Variants in CNR2 observed in about 807,000 individuals in gnomAD.
The protein encoded by CNR2 is cannabinoid receptor 2 (macrophage).
For synonymous variants in CNR2, 172 were observed against 182.2 expected, an observed-to-expected ratio of 0.94 and a Z score of 0.45; for missense variants, 379 against 439.9, an observed-to-expected ratio of 0.86 and a Z score of 1.24.
chr1:23,903,443 T>C (rs1570721564), intron 1 of CNR2, among the ~76,000 whole-genome samples: 1 of 152,024 alleles, frequency 6.6e-6, no homozygotes, highest in East Asian at 1.9e-4. Context: ...GGGTAGTGGT[T>C]CATGCCTGTG....
intron 1 of CNR2, among the ~76,000 whole-genome samples, chr1:23,897,490 T>TTC (rs929022799): frequency 6.6e-6 from 1 of 151,832 alleles, no homozygotes; most frequent in Non-Finnish European, 1.5e-5. Context: ...AATTTTTTTT[T>TTC]TTGAGACCGA....
intron 1 of CNR2, among the ~76,000 whole-genome samples, chr1:23,877,452 G>A (rs971283924): frequency 3.9e-5 from 6 of 151,934 alleles, no homozygotes; most frequent in African/African-American, 1.2e-4. Flanking sequence ...TGGCTAACAC[G>A]GTGAAACCTC....
intron 1 of CNR2, chr1:23,901,537 G>A: frequency 6.2e-7 from 1 of 1,609,220 alleles, no homozygotes; most frequent in Non-Finnish European, 8.5e-7. Flanking sequence ...TGCTGTCCGA[G>A]GAGCACTGGA....
rs1230917304 is a variant in CNR2, at chr1:23,898,335, C to CCTTT, written c.-46+14910_-46+14911insAAAG. The stretch of plus-strand genomic sequence containing the variant: ...TACAGGCGTGAGCCACCGCGCCCGG[C>CCTTT]TTTTTTTTTTTTTTTTTTTTTTTTG... On this transcript the variant is annotated intron_variant, in intron 1 of 1. Transcript: ENST00000374472. 1.8e-5 allele frequency among the ~76,000 whole-genome samples: 2 copies of CCTTT among 108,198 alleles called. 1 individual carries two copies. The allele number at this position is 108,198 out of a possible 152,430, so 71.0% of individuals were successfully genotyped here.
intron 1 of CNR2, among the ~76,000 whole-genome samples, chr1:23,898,947 C>A (rs1231915807): frequency 6.6e-6 from 1 of 152,110 alleles, no homozygotes; most frequent in African/African-American, 2.4e-5. Flanking sequence ...GCCACCACAC[C>A]TGGCCCGTAC....
At chr1:23,897,118 AC>A (rs769099527) in intron 1 of CNR2, among the ~76,000 whole-genome samples, 65 of 151,502 alleles carry the variant, frequency 4.3e-4, no homozygotes, top group Non-Finnish European at 8.3e-4. Flanking sequence ...CAGGTGATCC[AC>A]CCGCCTCAGC....
intron 1 of CNR2, among the ~76,000 whole-genome samples, chr1:23,906,443 AG>A (rs1447583914): frequency 6.6e-6 from 1 of 152,226 alleles, no homozygotes; most frequent in East Asian, 1.9e-4. Context: ...CCCATGAAAA[AG>A]GAAGTGATTT....
At chr1:23,900,540 C>G (rs948238511) in intron 1 of CNR2, among the ~76,000 whole-genome samples, 1 of 125,778 alleles carries the variant, frequency 8.0e-6, no homozygotes, top group Non-Finnish European at 1.6e-5. Context: ...CAGTTTCACT[C>G]TTGTTGCCCA....
In CNR2 at chr1:23,875,024, G is replaced by T; in HGVS notation, c.594C>A (p.Ile198=). 6.2e-7 allele frequency: 1 copy of T among 1,608,854 alleles called. No individual in the cohort carries two copies. Among genetic ancestry groups the T allele is most frequent in the South Asian group, 1.1e-5 (1 of 90,140 alleles). The change falls in exon 2 of 2, where the codon ATC becomes ATA. Residue 198 remains isoleucine, a synonymous_variant. Transcript: ENST00000374472. The part of the protein sequence containing the change: ...NDYLLSWLLF[I]AFLFSGIIYT... ...AGATGATTCCGGAAAAGAGGAAGGC[G>T]ATGAACAGGAGCCAGCTCAGCAGGT... is the stretch of plus-strand genomic sequence containing the variant.
At chr1:23,910,542 T>G (rs1570726213) in intron 1 of CNR2, among the ~76,000 whole-genome samples, 1 of 147,978 alleles carries the variant, frequency 6.8e-6, no homozygotes. Context: ...TCATCCCAGC[T>G]ACTTGGGAGG....
chr1:23,881,043 A>T (rs1639977995), intron 1 of CNR2, among the ~76,000 whole-genome samples: 1 of 151,580 alleles, frequency 6.6e-6, no homozygotes, highest in Non-Finnish European at 1.5e-5. Context: ...TGGGAGACCA[A>T]GGCGGGCAGA....
At chr1:23,900,856 C>T (rs7520726) in intron 1 of CNR2, among the ~76,000 whole-genome samples, 150,346 of 152,166 alleles carry the variant, frequency 0.99, 74,300 homozygotes, top group East Asian at 1. Context: ...TACCGAGCCA[C>T]GTTTCCAGCT....
chr1:23,886,560 C>T (rs1470867343), intron 1 of CNR2, among the ~76,000 whole-genome samples: 1 of 152,210 alleles, frequency 6.6e-6, no homozygotes, highest in Non-Finnish European at 1.5e-5. Context: ...CCAGCCACCG[C>T]CACCCCCAAC....
Position 23,874,776 on chromosome 1 carries a change from A to T in CNR2, c.842T>A (p.Phe281Tyr). 3 of 1,614,170 alleles carry T rather than the reference A, an allele frequency of 1.9e-6. No homozygotes were observed. The highest frequency in any genetic ancestry group is 2.5e-6 in the Non-Finnish European group (3 of 1,180,018). Reference sequence around the variant, plus strand: ...GAGGCACAGCATGGAGCAGAAAGCAAAGGCCTTCTTGACCTGGTCACTGAG... The same window carrying T: ...GAGGCACAGCATGGAGCAGAAAGCATAGGCCTTCTTGACCTGGTCACTGAG... ...TTLSDQVKKA[F>Y]AFCSMLCLIN... The change falls in exon 2 of 2, where the codon TTT becomes TAT. Residue 281 changes from phenylalanine to tyrosine, a missense_variant. Transcript: ENST00000374472.
intron 1 of CNR2, among the ~76,000 whole-genome samples, chr1:23,888,811 A>G (rs1372641691): frequency 1.3e-5 from 2 of 152,246 alleles, no homozygotes; most frequent in East Asian, 3.9e-4. Context: ...TCTACTAAAA[A>G]TACAAAAATT....
chr1:23,892,877 G>A (rs1287697341), intron 1 of CNR2, among the ~76,000 whole-genome samples: 1 of 152,040 alleles, frequency 6.6e-6, no homozygotes, highest in Non-Finnish European at 1.5e-5. Flanking sequence ...TTAGCCAGGA[G>A]TAGTGGTGGG....
At position 23,893,287 on chromosome 1, in the gene CNR2, G is replaced by A. The variant is rs751766382; in HGVS notation, c.-45-17625C>T. On this transcript the variant is annotated intron_variant, in intron 1 of 1. Coordinates refer to ENST00000374472, the MANE Select transcript of CNR2 (RefSeq NM_001841.3). ...TCCAGCCTCTCTCCTGGGCAGAGCAGAGCTAAATGATGTCTGAGGCCTCTT... is the reference window on the plus strand; with the variant it reads ...TCCAGCCTCTCTCCTGGGCAGAGCAAAGCTAAATGATGTCTGAGGCCTCTT... Among the ~76,000 whole-genome samples the A allele has an allele frequency of 7.6e-4, 116 of 152,252 alleles. No individual in the cohort carries two copies. The Middle Eastern group carries it at 0.01, about 13-fold the overall frequency.
At chr1:23,887,966 G>A (rs1054590197) in intron 1 of CNR2, among the ~76,000 whole-genome samples, 1 of 152,162 alleles carries the variant, frequency 6.6e-6, no homozygotes, top group Non-Finnish European at 1.5e-5. Flanking sequence ...ACAGCTGCAA[G>A]GTCACAAGAC....
chr1:23,897,186 T>C (rs1640299947), intron 1 of CNR2, among the ~76,000 whole-genome samples: 1 of 151,842 alleles, frequency 6.6e-6, no homozygotes, highest in Non-Finnish European at 1.5e-5. Flanking sequence ...GGAGTGGTTT[T>C]TTGATGAGAT....
Sources: gnomAD v4.1 joint callset for allele counts (sites outside exome capture counted in the v4.1 genomes callset) on GRCh38, gnomAD v4.1.1 for gene constraint, MANE v1.5 for transcripts, NCBI Gene and HGNC (gene_info 2026-07-23, HGNC 2026-07-21) for gene names.